COPA: variants seen among roughly 807,000 people sequenced by gnomAD.
The protein encoded by COPA is coat protein complex I subunit alpha, also known as coatomer subunit alpha.
Under a neutral mutation model 158.7 loss-of-function variants are expected in COPA, and 10 were observed. The ratio of observed to expected loss-of-function variants is 0.06; its 90% CI spans 0.04 to 0.11. The LOEUF is 0.11. Among genes scored for constraint, COPA ranks in the 10% least tolerant of loss-of-function variants. The pLI, the probability that COPA is intolerant of heterozygous loss-of-function variation, is 1.00. For synonymous variants in COPA, 462 were observed against 542.8 expected (o/e 0.85, Z 2.07); for missense variants, 1,065 against 1,536.7 (o/e 0.69, Z 5.13).
rs764008659 is a variant in COPA, at chr1:160,290,481, A to G, written c.3615+11T>C. On this transcript the variant is annotated intron_variant, in intron 32 of 32. Transcript: ENST00000241704. ...AATATCCTAGATATATTTATTGAGG[A>G]CAGTACTTACTGTGGTGACCCTGCA... 2.5e-6 allele frequency: 4 copies of G among 1,613,434 alleles called. No homozygotes were observed. The highest frequency in any genetic ancestry group is 3.4e-6 in the Non-Finnish European group (4 of 1,179,508).
intron 17 of COPA, among the ~76,000 whole-genome samples, chr1:160,300,288 C>T (rs777490556): frequency 6.6e-6 from 1 of 151,280 alleles, no homozygotes; most frequent in African/African-American, 2.4e-5. Flanking sequence ...TGCCGTGAGC[C>T]GAGGTCGTAC....
rs533673962 is a variant in COPA, at chr1:160,340,116, C to T, written c.154+65G>A. ...ATAGAGGAATCCATGTCAAACAAGG[C>T]TTAAAATACCCCAGGATATTATAAA... On this transcript the variant is annotated intron_variant, in intron 2 of 32. Transcript: ENST00000241704. 1.3e-5 allele frequency: 20 copies of T among 1,488,134 alleles called. No individual in the cohort carries two copies. In the East Asian group the frequency reaches 3.4e-4, roughly 25 times the overall value. The allele number at this position is 1,488,134 out of a possible 1,614,324, so 92.2% of individuals were successfully genotyped here.
chr1:160,322,615 C>CT (rs1434864982), intron 8 of COPA, among the ~76,000 whole-genome samples: 1 of 152,026 alleles, frequency 6.6e-6, no homozygotes, highest in Non-Finnish European at 1.5e-5. Flanking sequence ...GAAAAAAAGA[C>CT]ATGCGAATCA....
At chr1:160,324,434 G>A (rs1659428461) in intron 7 of COPA, among the ~76,000 whole-genome samples, 1 of 148,860 alleles carries the variant, frequency 6.7e-6, no homozygotes, top group Non-Finnish European at 1.5e-5. Context: ...AGGACTACAA[G>A]TGAGCACCAC....
rs541797160 is a variant in COPA at position 160,333,742 on chromosome 1, A to G, written c.310-63T>C. On this transcript the variant is annotated intron_variant, in intron 4 of 32. Coordinates refer to ENST00000241704, the MANE Select transcript of COPA (RefSeq NM_004371.4). ...CAAATCTGTTCTATCAGGTTCTTGT[A>G]ATCATTTTTCTCTAAAGAACTGCAT... is the stretch of plus-strand genomic sequence containing the variant. 7.2e-5 allele frequency: 97 copies of G among 1,354,500 alleles called. 1 individual carries two copies. In the African/African-American group the frequency reaches 1.1e-3, roughly 15 times the overall value. 83.9% of individuals were successfully genotyped at this position (1,354,500 alleles called of 1,614,324 possible).
Position 160,339,898 on chromosome 1 carries a change from AC to A in COPA, c.228+10del. ...TTTCCTTTATTCTCAGTTATGACAG[AC>A]CCTCTGTACCTTAATCTTATAGTCA... is the stretch of plus-strand genomic sequence containing the variant. On this transcript the variant is annotated intron_variant, in intron 3 of 32. Coordinates refer to ENST00000241704, the MANE Select transcript of COPA (RefSeq NM_004371.4). 6.2e-7 allele frequency: 1 copy of A among 1,611,582 alleles called. No homozygotes were observed. Among genetic ancestry groups the A allele is most frequent in the Non-Finnish European group, 8.5e-7 (1 of 1,177,880 alleles).
rs751104177 is a variant in COPA at position 160,306,412 on chromosome 1, C to G, written c.1384G>C (p.Gly462Arg). The change falls in exon 15 of 33, where the codon GGC becomes CGC. Residue 462 changes from glycine to arginine, a missense_variant. Gly to Arg is a moderately radical substitution (Grantham distance 125). Transcript: ENST00000241704. ...NCDEIFYAGTGNLLLRDADSI... is the reference protein window; with the variant it reads ...NCDEIFYAGTRNLLLRDADSI... Reference sequence around the variant, plus strand: ...TCCGCATCTCGAAGCAGGAGATTGCCTGTGCCAGCATAGAAGATCTCATCA... The same window carrying G: ...TCCGCATCTCGAAGCAGGAGATTGCGTGTGCCAGCATAGAAGATCTCATCA... The G allele has an allele frequency of 1.9e-6, 3 of 1,613,992 alleles. 1 individual carries two copies. In the South Asian group the frequency reaches 3.3e-5, roughly 18 times the overall value.
rs1241906389 is a variant in COPA at position 160,324,883 on chromosome 1, A to T, written c.606+660T>A. ...TACTGTATACCCTATTTATACAGTTATATGGTATATTGTGACAGAATCCTG... is the reference window on the plus strand; with the variant it reads ...TACTGTATACCCTATTTATACAGTTTTATGGTATATTGTGACAGAATCCTG... On this transcript the variant is annotated intron_variant, in intron 7 of 32. Transcript: ENST00000241704. Among the ~76,000 whole-genome samples, 9 of 152,342 alleles carry T rather than the reference A, an allele frequency of 5.9e-5. No homozygotes were observed. In the South Asian group the frequency reaches 1.9e-3, roughly 32 times the overall value.
At position 160,294,812 on chromosome 1, in the gene COPA, C is replaced by G; in HGVS notation, c.2522G>C (p.Gly841Ala). The part of the protein sequence containing the change: ...LAADIDIDTV[G>A]TEGWGEDAEL... ...TGCATCCTCTCCCCAGCCCTCTGTA[C>G]CAACAGTGTCAATGTCAATGTCAGC... is the stretch of plus-strand genomic sequence containing the variant. The change falls in exon 24 of 33, where the codon GGT becomes GCT. Residue 841 changes from glycine to alanine, a missense_variant. Gly to Ala is a moderately conservative substitution (Grantham distance 60, BLOSUM62 0). Transcript: ENST00000241704. The G allele has an allele frequency of 6.2e-7, 1 of 1,614,118 alleles. No homozygotes were observed. The highest frequency in any genetic ancestry group is 1.3e-5 in the African/African-American group (1 of 75,042).
intron 17 of COPA, among the ~76,000 whole-genome samples, chr1:160,300,866 C>T (rs1425803590): frequency 1.3e-5 from 2 of 152,212 alleles, no homozygotes; most frequent in African/African-American, 4.8e-5. Context: ...TGCCTGTAAT[C>T]CCAGCACTTT....
At position 160,290,049 on chromosome 1, in the gene COPA, G is replaced by A. The variant is rs931248114; in HGVS notation, c.*108C>T. The A allele has an allele frequency of 2.9e-6, 3 of 1,021,810 alleles. No individual in the cohort carries two copies. The highest frequency in any genetic ancestry group is 4.5e-6 in the Non-Finnish European group (3 of 668,296). The allele number at this position is 1,021,810 out of a possible 1,614,324, so 63.3% of individuals were successfully genotyped here. On this transcript the variant is annotated 3_prime_UTR_variant, in exon 33 of 33. Coordinates refer to ENST00000241704, the MANE Select transcript of COPA (RefSeq NM_004371.4). Reference sequence around the variant, plus strand: ...GATACTAGGTTTTAGGGTACAGAGAGCCAGATCTGAAGAGTAGCTGCAGGG... The same window carrying A: ...GATACTAGGTTTTAGGGTACAGAGAACCAGATCTGAAGAGTAGCTGCAGGG...
Position 160,299,169 on chromosome 1 carries a change from C to T in COPA, c.1763G>A (p.Arg588Gln), listed in dbSNP as rs751473108. The change falls in exon 18 of 33, where the codon CGG (arginine) becomes CAG (glutamine). Residue 588 changes from arginine (R) to glutamine (Q), a missense_variant. By Grantham distance (43) the Arg-to-Gln change is conservative. Transcript: ENST00000241704. Reference sequence around the variant, plus strand: ...CTCAGTGGGATCAATGGTGAGTACCCGGGGACGACACTCCCTGTCTAGGCA... The same window carrying T: ...CTCAGTGGGATCAATGGTGAGTACCTGGGGACGACACTCCCTGTCTAGGCA... ...VYCLDRECRP[R>Q]VLTIDPTEFK... 2.5e-6 allele frequency: 4 copies of T among 1,614,030 alleles called. No homozygotes were observed. The highest frequency in any genetic ancestry group is 2.7e-5 in the African/African-American group (2 of 74,904).
Position 160,292,633 on chromosome 1 carries a change from G to A in COPA, c.2824-13C>T. 1 of 1,571,524 alleles carries A rather than the reference G, an allele frequency of 6.4e-7. No homozygotes were observed. Among genetic ancestry groups the A allele is most frequent in the South Asian group, 1.2e-5 (1 of 85,702 alleles). On this transcript the variant is annotated splice_polypyrimidine_tract_variant and intron_variant, in intron 27 of 32. Transcript: ENST00000241704. Reference sequence around the variant, plus strand: ...GGTCATGAAGGAGCTGGAACAGAAGGAAAGAAACAAGGATTTTGGCCCTGC... The same window carrying A: ...GGTCATGAAGGAGCTGGAACAGAAGAAAAGAAACAAGGATTTTGGCCCTGC...
chr1:160,308,370 C>G (rs918851483), intron 13 of COPA, among the ~76,000 whole-genome samples: 5 of 152,096 alleles, frequency 3.3e-5, no homozygotes, highest in Admixed American at 2.6e-4. Flanking sequence ...CAGGGGCACC[C>G]ACAAAAGAAA....
rs772158916 is a variant in COPA, at chr1:160,305,674, T to C, written c.1528+14A>G. 1.9e-5 allele frequency: 31 copies of C among 1,613,940 alleles called. No homozygotes were observed. Among genetic ancestry groups the C allele is most frequent in the Non-Finnish European group, 2.5e-5 (30 of 1,179,954 alleles). On this transcript the variant is annotated intron_variant, in intron 16 of 32. Transcript: ENST00000241704. ...AATGGTCTCTAAATCAGGGTGGATA[T>C]AATGAAGACTCACCGTGTTTGGCTA... is the stretch of plus-strand genomic sequence containing the variant.
intron 8 of COPA, among the ~76,000 whole-genome samples, chr1:160,316,919 ACCCT>A (rs1430093880): frequency 7.2e-5 from 11 of 152,154 alleles, no homozygotes; most frequent in African/African-American, 2.4e-4. Flanking sequence ...AAGTAAGACT[ACCCT>A]AAGGCATATA....
chr1:160,339,947 G>A lies in COPA; in HGVS notation c.190C>T (p.Pro64Ser). 1 of 1,614,082 alleles carries A rather than the reference G, an allele frequency of 6.2e-7. No homozygotes were observed. The highest frequency in any genetic ancestry group is 8.5e-7 in the Non-Finnish European group (1 of 1,179,978). Residue 64 changes from proline (P) to serine (S), a missense_variant, in exon 3 of 33, where the codon CCA (proline) becomes TCA (serine). By Grantham distance (74) the Pro-to-Ser change is moderately conservative. Transcript: ENST00000241704. ...VRGIDFHKQQ[P>S]LFVSGGDDYK... is the part of the protein sequence containing the mutation. ...TCATCTCCTCCAGAGACGAACAGTG[G>A]CTGCTGCTTATGGAAGTCAATGCCT...
In COPA at chr1:160,332,564, GAAAA is replaced by G; in HGVS notation, c.387-11_387-8del. The G allele has an allele frequency of 7.1e-7, 1 of 1,404,946 alleles. No individual in the cohort carries two copies. The allele number at this position is 1,404,946 out of a possible 1,614,324, so 87.0% of individuals were successfully genotyped here. Reference sequence around the variant, plus strand: ...GTTGTGCCCTGTTAACACACTGCAAGAAAAAAAAAAGACAATACCAAATTAGAGG... The same window carrying G: ...GTTGTGCCCTGTTAACACACTGCAAGAAAAAAGACAATACCAAATTAGAGG... On this transcript the variant is annotated splice_region_variant and splice_polypyrimidine_tract_variant and intron_variant, in intron 5 of 32. Coordinates refer to ENST00000241704, the MANE Select transcript of COPA (RefSeq NM_004371.4).
Position 160,343,220 on chromosome 1 carries a change from GC to G in COPA, c.-51del. The G allele has an allele frequency of 1.2e-6, 2 of 1,612,370 alleles. No individual in the cohort carries two copies. Among genetic ancestry groups the G allele is most frequent in the Non-Finnish European group, 1.7e-6 (2 of 1,178,554 alleles). ...CTTAATCCGAGCCCCGACACACCCT[GC>G]TGCCCTTCGGACGCCTCCACGTCAG... is the stretch of plus-strand genomic sequence containing the variant. On this transcript the variant is annotated 5_prime_UTR_variant, in exon 1 of 33. Coordinates refer to ENST00000241704, the MANE Select transcript of COPA (RefSeq NM_004371.4).
Sources: gnomAD v4.1 joint callset for allele counts (sites outside exome capture counted in the v4.1 genomes callset) on GRCh38, gnomAD v4.1.1 for gene constraint, MANE v1.5 for transcripts, NCBI Gene and HGNC (gene_info 2026-07-23, HGNC 2026-07-21) for gene names.